Variants in USP47 observed in about 807,000 individuals in gnomAD.
USP47 encodes the protein ubiquitin carboxyl-terminal hydrolase 47.
Under a neutral mutation model 165.1 loss-of-function variants are expected in USP47, and 35 were observed. The observed-to-expected ratio is 0.21, with a 90% CI of 0.16 to 0.28. USP47 has a LOEUF of 0.28. USP47 is among the 10% of genes least tolerant of loss of function. The pLI is 1.00. For synonymous variants in USP47, 531 were observed against 544.5 expected (o/e 0.98, Z 0.35); for missense variants, 1,277 against 1,607.4 (o/e 0.79, Z 3.52).
intron 18 of USP47, among the ~76,000 whole-genome samples, chr11:11,938,597 A>G (rs1855242382): frequency 6.6e-6 from 1 of 152,120 alleles, no homozygotes; most frequent in South Asian, 2.1e-4. Flanking sequence ...CTGGATTATC[A>G]TAAAATACAG....
chr11:11,909,418 C>G (rs1332615856), intron 8 of USP47, among the ~76,000 whole-genome samples: 1 of 151,966 alleles, frequency 6.6e-6, no homozygotes, highest in African/African-American at 2.4e-5. Context: ...TAAGTATATT[C>G]TAGTAATACA....
chr11:11,879,172 C>A (rs1850669796), intron 1 of USP47, among the ~76,000 whole-genome samples: 1 of 152,056 alleles, frequency 6.6e-6, no homozygotes, highest in Non-Finnish European at 1.5e-5. Context: ...GAAGCTGTTC[C>A]ATAATTTTGT....
chr11:11,885,594 A>G (rs981497034), intron 3 of USP47, among the ~76,000 whole-genome samples: 1 of 152,130 alleles, frequency 6.6e-6, no homozygotes, highest in Non-Finnish European at 1.5e-5. Flanking sequence ...AGCTATGTGG[A>G]ATCTTGGTAG....
chr11:11,880,313 A>C lies in USP47; in HGVS notation c.176A>C (p.Asn59Thr), dbSNP rs1312300622. The C allele has an allele frequency of 1.4e-6, 2 of 1,401,506 alleles. No homozygotes were observed. Among genetic ancestry groups the C allele is most frequent in the African/African-American group, 3.0e-5 (2 of 66,518 alleles). The allele number at this position is 1,401,506 out of a possible 1,614,324, so 86.8% of individuals were successfully genotyped here. A position where few individuals can be genotyped will look rare whatever the true frequency, so the allele number is the denominator to read the frequency against. ...AGAAAGCTCTTTGAAGATGTGGCCAACAAAGTAGGCTACATAAATGGAACC... is the reference window on the plus strand; with the variant it reads ...AGAAAGCTCTTTGAAGATGTGGCCACCAAAGTAGGCTACATAAATGGAACC... ...PVRKLFEDVA[N>T]KVGYINGTFD... Residue 59 changes from asparagine to threonine, a missense_variant, in exon 2 of 28, where the codon AAC becomes ACC. Asn to Thr is a moderately conservative substitution (Grantham distance 65). This residue lies in a region of USP47 where 181 missense variants were observed against 194.7 expected (regional missense o/e 0.93). Transcript: ENST00000527733.
intron 1 of USP47, among the ~76,000 whole-genome samples, chr11:11,852,024 C>T (rs1848757080): frequency 6.6e-6 from 1 of 152,098 alleles, no homozygotes; most frequent in South Asian, 2.1e-4. Context: ...TACTATTTTT[C>T]CCTTTAATAA....
chr11:11,854,195 T>C (rs1189037519), intron 1 of USP47, among the ~76,000 whole-genome samples: 1 of 146,636 alleles, frequency 6.8e-6, no homozygotes. Context: ...ATTCTCCTCT[T>C]TCAACCTGAT....
Position 11,929,585 on chromosome 11 carries a change from G to T in USP47, c.1518+20G>T, listed in dbSNP as rs757633130. The T allele has an allele frequency of 3.7e-6, 6 of 1,607,478 alleles. No individual in the cohort carries two copies. The highest frequency in any genetic ancestry group is 5.1e-6 in the Non-Finnish European group (6 of 1,177,400). On this transcript the variant is annotated intron_variant, in intron 12 of 27. Transcript: ENST00000527733. ...AGCAGGGTAAGGAGGTGTCCTTTAA[G>T]ATTATTACTCTGAAAGGTGGGAGTA...
intron 8 of USP47, among the ~76,000 whole-genome samples, chr11:11,917,432 A>AG (rs1853505445): frequency 6.6e-6 from 1 of 152,160 alleles, no homozygotes; most frequent in South Asian, 2.1e-4. Context: ...CACTTACTAT[A>AG]TTAAATTAAG....
In USP47 at chr11:11,880,342, G is replaced by A; in HGVS notation, c.205G>A (p.Asp69Asn). The A allele has an allele frequency of 7.4e-7, 1 of 1,359,680 alleles. No homozygotes were observed. The highest frequency in any genetic ancestry group is 9.4e-7 in the Non-Finnish European group (1 of 1,061,454). 84.2% of individuals were successfully genotyped at this position (1,359,680 alleles called of 1,614,324 possible). The change falls in exon 2 of 28, where the codon GAC becomes AAC. Residue 69 changes from aspartate to asparagine, a missense_variant. Physicochemically the swap from Asp to Asn is conservative, Grantham distance 23. Coordinates refer to ENST00000527733, the MANE Select transcript of USP47 (RefSeq NM_001282659.2). ...NKVGYINGTF[D>N]LVWGNGINTA... ...AGTAGGCTACATAAATGGAACCTTT[G>A]ACTTGGTGTGGGGAAATGGAATCAA...
At chr11:11,927,328 G>A (rs149719958) in intron 11 of USP47, among the ~76,000 whole-genome samples, 17 of 152,070 alleles carry the variant, frequency 1.1e-4, no homozygotes, top group African/African-American at 4.1e-4. Context: ...TGGGCAGGAT[G>A]GGTATTTATT....
At chr11:11,881,711 G>A (rs1292618429) in intron 2 of USP47, among the ~76,000 whole-genome samples, 2 of 152,024 alleles carry the variant, frequency 1.3e-5, no homozygotes, top group East Asian at 3.9e-4. Flanking sequence ...TTGTATTAAT[G>A]TTTACTACCA....
chr11:11,880,207 T>A lies in USP47; in HGVS notation c.70T>A (p.Leu24Ile). ...AAATGCTGCTGAAGAACCTAGAGTC[T>A]TATGTATTATACAAGATACTACTAA... ...IENAAEEPRV[L>I]CIIQDTTNSK... Residue 24 changes from leucine to isoleucine, a missense_variant, in exon 2 of 28, where the codon TTA (leucine) becomes ATA (isoleucine). This residue lies in a region of USP47 where 181 missense variants were observed against 194.7 expected (regional missense o/e 0.93). Coordinates refer to ENST00000527733, the MANE Select transcript of USP47 (RefSeq NM_001282659.2). The A allele has an allele frequency of 2.0e-6, 3 of 1,478,328 alleles. No individual in the cohort carries two copies. The highest frequency in any genetic ancestry group is 2.7e-6 in the Non-Finnish European group (3 of 1,125,224). The allele number at this position is 1,478,328 out of a possible 1,614,324, so 91.6% of individuals were successfully genotyped here. A position where few individuals can be genotyped will look rare whatever the true frequency, so the allele number is the denominator to read the frequency against.
intron 1 of USP47, among the ~76,000 whole-genome samples, chr11:11,843,109 A>G (rs1848231968): frequency 6.6e-6 from 1 of 152,182 alleles, no homozygotes; most frequent in African/African-American, 2.4e-5. Context: ...TATTTCTCAT[A>G]TACCTTAAAT....
chr11:11,855,945 G>A (rs1481853663), intron 1 of USP47, among the ~76,000 whole-genome samples: 1 of 152,224 alleles, frequency 6.6e-6, no homozygotes, highest in African/African-American at 2.4e-5. Flanking sequence ...TGGAAATAAA[G>A]TGGGACCATA....
chr11:11,932,124 G>C (rs1854712578), intron 14 of USP47, among the ~76,000 whole-genome samples: 1 of 152,148 alleles, frequency 6.6e-6, no homozygotes, highest in Non-Finnish European at 1.5e-5. Context: ...AGTCATGTCA[G>C]AAGGCAATAT....
chr11:11,846,207 A>G (rs1848417789), intron 1 of USP47, among the ~76,000 whole-genome samples: 1 of 152,134 alleles, frequency 6.6e-6, no homozygotes, highest in African/African-American at 2.4e-5. Context: ...TTTTAATAGC[A>G]TCCCAATTTT....
intron 2 of USP47, among the ~76,000 whole-genome samples, chr11:11,881,842 A>T (rs750178415): frequency 2.0e-5 from 3 of 152,140 alleles, no homozygotes; most frequent in Non-Finnish European, 4.4e-5. Context: ...AGACCTAATC[A>T]GCTCCTAAGG....
intron 5 of USP47, 40 bp downstream of exon 5, chr11:11,897,733 A>G: frequency 1.4e-6 from 2 of 1,401,308 alleles, no homozygotes; most frequent in Non-Finnish European, 2.0e-6. Flanking sequence ...AATTGATTTA[A>G]GAATGAAAAT....
chr11:11,854,993 GC>G (rs1019733037), intron 1 of USP47, among the ~76,000 whole-genome samples: 1 of 151,698 alleles, frequency 6.6e-6, no homozygotes, highest in Admixed American at 6.6e-5. Flanking sequence ...TACTCGGGAG[GC>G]TGAGGCAGGA....
Sources: gnomAD v4.1 joint callset for allele counts (sites outside exome capture counted in the v4.1 genomes callset) on GRCh38, gnomAD v4.1.1 for gene constraint, gnomAD v4.1.1 regional missense constraint, MANE v1.5 for transcripts, NCBI Gene and HGNC (gene_info 2026-07-23, HGNC 2026-07-21) for gene names.